KCTD8: variants seen among roughly 807,000 people sequenced by gnomAD.
The protein encoded by KCTD8 is potassium channel tetramerization domain containing 8, also known as BTB/POZ domain-containing protein KCTD8.
A neutral mutation model predicts 31.5 loss-of-function variants in KCTD8; 27 were observed. The observed-to-expected ratio is 0.86, with a 90% CI of 0.63 to 1.18. KCTD8 has a LOEUF of 1.18. KCTD8 is among the 50% of genes most tolerant of loss of function. The probability of loss-of-function intolerance (pLI) is 0.00; values close to 1 mark genes in which losing one functional copy is unlikely to be tolerated. For synonymous variants in KCTD8, 290 were observed against 280.0 expected (o/e 1.04, Z -0.36); for missense variants, 658 against 647.7 (o/e 1.02, Z -0.17).
At chr4:44,226,061 C>A (rs1714952228) in intron 1 of KCTD8, among the ~76,000 whole-genome samples, 1 of 152,064 alleles carries the variant, frequency 6.6e-6, no homozygotes, top group Admixed American at 6.5e-5. Flanking sequence ...ATCTCCGGAC[C>A]TTGTGATCCG....
At chr4:44,342,044 G>A (rs1014432472) in intron 1 of KCTD8, among the ~76,000 whole-genome samples, 1 of 152,102 alleles carries the variant, frequency 6.6e-6, no homozygotes, top group African/African-American at 2.4e-5. Flanking sequence ...GAGTTCTTGG[G>A]TGACCAAGTG....
intron 1 of KCTD8, among the ~76,000 whole-genome samples, chr4:44,348,915 A>AT (rs1464523537): frequency 5.3e-5 from 8 of 151,634 alleles, no homozygotes; most frequent in African/African-American, 7.3e-5. Flanking sequence ...CTTGAGCCTC[A>AT]TTTTTTTCTG....
intron 1 of KCTD8, among the ~76,000 whole-genome samples, chr4:44,266,932 C>A (rs910546356): frequency 6.6e-6 from 1 of 151,838 alleles, no homozygotes; most frequent in South Asian, 2.1e-4. Context: ...TAGACTCCCA[C>A]ACAATAATAA....
chr4:44,346,673 G>A (rs753818250), intron 1 of KCTD8, among the ~76,000 whole-genome samples: 2 of 152,128 alleles, frequency 1.3e-5, no homozygotes, highest in Admixed American at 1.3e-4. Context: ...TTGGAACACA[G>A]ATGACAGCAC....
chr4:44,273,470 G>A lies in KCTD8; in HGVS notation c.962-98220C>T, dbSNP rs558274210. The stretch of plus-strand genomic sequence containing the variant: ...AATTTTTTATGACTGAAAGACTGCA[G>A]AGGCTTGGAATACAAATTAGAAGTC... On this transcript the variant is annotated intron_variant, in intron 1 of 1. Transcript: ENST00000360029. Among the ~76,000 whole-genome samples, 12 of 152,012 alleles carry A rather than the reference G, an allele frequency of 7.9e-5. No homozygotes were observed. The South Asian group carries it at 2.1e-3, about 26-fold the overall frequency.
At chr4:44,435,799 G>A (rs1231818484) in intron 1 of KCTD8, among the ~76,000 whole-genome samples, 1 of 152,044 alleles carries the variant, frequency 6.6e-6, no homozygotes, top group Non-Finnish European at 1.5e-5. Context: ...GAGGAGGCTA[G>A]GTGGCTACAA....
chr4:44,181,327 G>T (rs1402631304), intron 1 of KCTD8, among the ~76,000 whole-genome samples: 1 of 152,018 alleles, frequency 6.6e-6, no homozygotes, highest in Admixed American at 6.5e-5. Context: ...TGCCATCTCT[G>T]CTTACTGCAA....
intron 1 of KCTD8, among the ~76,000 whole-genome samples, chr4:44,240,211 G>T (rs1457533952): frequency 6.6e-6 from 1 of 152,144 alleles, no homozygotes; most frequent in Non-Finnish European, 1.5e-5. Flanking sequence ...AGCCATAAAT[G>T]GTGTTTCTCT....
chr4:44,189,355 TAATATTTTGGAA>T lies in KCTD8; in HGVS notation c.962-14117_962-14106del, dbSNP rs1201755759. On this transcript the variant is annotated intron_variant, in intron 1 of 1. Transcript: ENST00000360029. ...TTCCCTGCTTTCAACTAAAGGTCCT[TAATATTTTGGAA>T]AACAATTATCATATCTAGTCAAAGT... Among the ~76,000 whole-genome samples, 874 of 151,892 alleles carry T rather than the reference TAATATTTTGGAA, an allele frequency of 5.8e-3. 1 individual carries two copies. The highest frequency in any genetic ancestry group is 0.02 in the African/African-American group (818 of 41,372).
intron 1 of KCTD8, among the ~76,000 whole-genome samples, chr4:44,425,791 G>A (rs7691376): frequency 0.16 from 24,691 of 151,826 alleles, 2,212 homozygotes; most frequent in Non-Finnish European, 0.2. Context: ...AGAAGTCTGG[G>A]AAACATCCTT....
At position 44,339,886 on chromosome 4, in the gene KCTD8, A is replaced by G. The variant is rs565867076; in HGVS notation, c.961+107677T>C. 2.8e-3 allele frequency among the ~76,000 whole-genome samples: 423 copies of G among 152,358 alleles called. 3 individuals carry two copies. The highest frequency in any genetic ancestry group is 6.8e-3 in the Middle Eastern group (2 of 294). ...AACAATTAGCAGTTTTATAATAACC[A>G]TATGAAAGACTTGTACACAATACAA... is the stretch of plus-strand genomic sequence containing the variant. On this transcript the variant is annotated intron_variant, in intron 1 of 1. Coordinates refer to ENST00000360029, the MANE Select transcript of KCTD8 (RefSeq NM_198353.3).
chr4:44,312,452 A>G (rs986990074), intron 1 of KCTD8, among the ~76,000 whole-genome samples: 2 of 152,164 alleles, frequency 1.3e-5, no homozygotes, highest in Admixed American at 6.5e-5. Context: ...TTTCCTTTCC[A>G]TCATTTACTT....
intron 1 of KCTD8, among the ~76,000 whole-genome samples, chr4:44,231,930 A>G (rs576042695): frequency 6.6e-6 from 1 of 152,320 alleles, no homozygotes; most frequent in African/African-American, 2.4e-5. Context: ...GGACCAAAAC[A>G]GAAACTTCTT....
intron 1 of KCTD8, among the ~76,000 whole-genome samples, chr4:44,428,454 C>G (rs1721399577): frequency 6.6e-6 from 1 of 151,658 alleles, no homozygotes; most frequent in Non-Finnish European, 1.5e-5. Context: ...GATCAAGTCA[C>G]TTACCCACTC....
chr4:44,241,820 T>C (rs1396832270), intron 1 of KCTD8, among the ~76,000 whole-genome samples: 5 of 152,158 alleles, frequency 3.3e-5, no homozygotes, highest in Non-Finnish European at 7.3e-5. Flanking sequence ...GTCCAGTCCA[T>C]ATAAAGTAAC....
intron 1 of KCTD8, among the ~76,000 whole-genome samples, chr4:44,182,385 GT>G (rs1713451300): frequency 6.6e-6 from 1 of 152,230 alleles, no homozygotes; most frequent in Non-Finnish European, 1.5e-5. Flanking sequence ...AAATCAGGTT[GT>G]TGCTGTGTCT....
At chr4:44,404,233 CTTT>C (rs1458964128) in intron 1 of KCTD8, among the ~76,000 whole-genome samples, 1 of 152,176 alleles carries the variant, frequency 6.6e-6, no homozygotes, top group East Asian at 1.9e-4. Context: ...TGGCAGCCAG[CTTT>C]TTAAGTTCAA....
intron 1 of KCTD8, chr4:44,293,618 A>ATT: frequency 2.1e-5 from 7 of 326,390 alleles, no homozygotes; most frequent in East Asian, 1.6e-4. Flanking sequence ...CTAGTCTTTA[A>ATT]TTTTTTTTTT....
chr4:44,257,663 C>T (rs1350458753), intron 1 of KCTD8, among the ~76,000 whole-genome samples: 1 of 151,908 alleles, frequency 6.6e-6, no homozygotes, highest in Non-Finnish European at 1.5e-5. Flanking sequence ...TTTAACAAGT[C>T]TTTTGTACTA....
Sources: gnomAD v4.1 joint callset for allele counts (sites outside exome capture counted in the v4.1 genomes callset) on GRCh38, gnomAD v4.1.1 for gene constraint, MANE v1.5 for transcripts, NCBI Gene and HGNC (gene_info 2026-07-23, HGNC 2026-07-21) for gene names.